The following EXOC6B variants were observed in gnomAD, a reference collection of about 807,000 sequenced individuals.
The protein encoded by EXOC6B is exocyst complex component 6B, also known as SEC15 homolog B.
Under a neutral mutation model 113.5 loss-of-function variants are expected in EXOC6B, and 54 were observed. That is an observed-to-expected ratio of 0.48 (90% CI 0.38 to 0.60). The LOEUF (loss-of-function observed/expected upper bound fraction) is 0.60, where lower values mean the gene tolerates loss of function less well. Ranked by LOEUF, EXOC6B falls within the 20% of genes least tolerant of loss-of-function variation. The probability of loss-of-function intolerance (pLI) is 0.00; values close to 1 mark genes in which losing one functional copy is unlikely to be tolerated. For synonymous variants in EXOC6B, 357 were observed against 339.0 expected (o/e 1.05, Z -0.58); for missense variants, 797 against 977.5 (o/e 0.82, Z 2.46).
At chr2:72,561,639 T>C (rs2103714008) in intron 7 of EXOC6B, among the ~76,000 whole-genome samples, 1 of 152,200 alleles carries the variant, frequency 6.6e-6, no homozygotes, top group East Asian at 1.9e-4. Context: ...CTGTGATAAA[T>C]AAGCTAACAC....
intron 20 of EXOC6B, among the ~76,000 whole-genome samples, chr2:72,275,841 G>T (rs1684778122): frequency 6.6e-6 from 1 of 152,106 alleles, no homozygotes; most frequent in African/African-American, 2.4e-5. Context: ...AACTCCAAAT[G>T]ACCTTACCTG....
At chr2:72,701,657 C>G (rs1056523190) in intron 6 of EXOC6B, among the ~76,000 whole-genome samples, 1 of 152,124 alleles carries the variant, frequency 6.6e-6, no homozygotes, top group African/African-American at 2.4e-5. Context: ...TTCTACTTCC[C>G]GGAGTCTATC....
At chr2:72,465,466 C>T (rs2105420249) in intron 17 of EXOC6B, 127 bp from the exon 18 acceptor site, 2 of 678,418 alleles carry the variant, frequency 2.9e-6, no homozygotes, top group Admixed American at 3.4e-5. Context: ...CTGAGCCATA[C>T]ATATCACAGT....
chr2:72,641,438 A>C (rs1673227434), intron 6 of EXOC6B, among the ~76,000 whole-genome samples: 1 of 152,208 alleles, frequency 6.6e-6, no homozygotes, highest in Non-Finnish European at 1.5e-5. Context: ...TGGGTCCCCC[A>C]CCCACGAAGC....
chr2:72,370,041 C>T (rs1451647894), intron 19 of EXOC6B, among the ~76,000 whole-genome samples: 2 of 152,130 alleles, frequency 1.3e-5, no homozygotes, highest in African/African-American at 2.4e-5. Flanking sequence ...AGCTTCTGCA[C>T]AGCAAAAGGA....
intron 17 of EXOC6B, among the ~76,000 whole-genome samples, chr2:72,473,418 T>A (rs1032918933): frequency 6.6e-6 from 1 of 152,146 alleles, no homozygotes; most frequent in Non-Finnish European, 1.5e-5. Flanking sequence ...GATCCCATTA[T>A]CATTATATAA....
At chr2:72,613,099 CAG>C (rs1671176472) in intron 6 of EXOC6B, among the ~76,000 whole-genome samples, 1 of 151,982 alleles carries the variant, frequency 6.6e-6, no homozygotes, top group Admixed American at 6.6e-5. Flanking sequence ...ATGATAAAAT[CAG>C]AGTTAAATAT....
intron 1 of EXOC6B, among the ~76,000 whole-genome samples, chr2:72,803,189 A>G (rs1474870721): frequency 6.6e-6 from 1 of 152,174 alleles, no homozygotes; most frequent in East Asian, 1.9e-4. Flanking sequence ...CATGACTAAT[A>G]CTGATGCAAA....
rs908047817 is a variant in EXOC6B at position 72,224,994 on chromosome 2, G to GTGTATATATATATATATATA, written c.2197-40808_2197-40807insTATATATATATATATATACA. 2.4e-3 allele frequency among the ~76,000 whole-genome samples: 327 copies of GTGTATATATATATATATATA among 137,172 alleles called. 9 individuals are homozygous for GTGTATATATATATATATATA. Among genetic ancestry groups the GTGTATATATATATATATATA allele is most frequent in the Non-Finnish European group, 4.1e-3 (256 of 62,182 alleles). The allele number at this position is 137,172 out of a possible 152,430, so 90.0% of individuals were successfully genotyped here. A position where few individuals can be genotyped will look rare whatever the true frequency, so the allele number is the denominator to read the frequency against. On this transcript the variant is annotated intron_variant, in intron 20 of 21. Transcript: ENST00000272427. The stretch of plus-strand genomic sequence containing the variant: ...CATCTCTCTCTGTATGTGTGTGTGT[G>GTGTATATATATATATATATA]TATATATATATAAATACACATACTT...
intron 18 of EXOC6B, among the ~76,000 whole-genome samples, chr2:72,452,700 C>G (rs1256342226): frequency 2.0e-5 from 3 of 152,188 alleles, no homozygotes; most frequent in African/African-American, 4.8e-5. Flanking sequence ...GCTGAAGTTA[C>G]AGCTTTATGT....
At chr2:72,361,143 A>T (rs978636097) in intron 19 of EXOC6B, among the ~76,000 whole-genome samples, 4 of 152,154 alleles carry the variant, frequency 2.6e-5, no homozygotes, top group African/African-American at 9.7e-5. Context: ...TACATCCAGA[A>T]GGAAATGTAA....
At chr2:72,281,834 A>G (rs907752272) in intron 20 of EXOC6B, among the ~76,000 whole-genome samples, 3 of 152,222 alleles carry the variant, frequency 2.0e-5, no homozygotes, top group African/African-American at 7.2e-5. Flanking sequence ...TGAAGAGAAC[A>G]TTCTGGGCAA....
intron 21 of EXOC6B, among the ~76,000 whole-genome samples, chr2:72,183,388 G>T (rs1049868272): frequency 1.3e-5 from 2 of 152,174 alleles, no homozygotes; most frequent in Admixed American, 6.5e-5. Flanking sequence ...CAGCTTCTGG[G>T]TGACATATTT....
intron 1 of EXOC6B, among the ~76,000 whole-genome samples, chr2:72,810,878 G>A (rs1050009650): frequency 6.6e-6 from 1 of 151,782 alleles, no homozygotes; most frequent in Non-Finnish European, 1.5e-5. Context: ...ACATGGCAAA[G>A]CCCTGACAAA....
At chr2:72,815,597 C>G in intron 1 of EXOC6B, among the ~76,000 whole-genome samples, 1 of 151,778 alleles carries the variant, frequency 6.6e-6, no homozygotes, top group East Asian at 1.9e-4. Context: ...CAGCCTCACT[C>G]ACAATAAGAA....
At chr2:72,715,441 T>C (rs1036349171) in intron 6 of EXOC6B, among the ~76,000 whole-genome samples, 20 of 147,954 alleles carry the variant, frequency 1.4e-4, no homozygotes, top group African/African-American at 4.2e-4. Context: ...ATATATAATA[T>C]ATAAAAATAA....
chr2:72,269,876 G>C (rs1000523), intron 20 of EXOC6B, among the ~76,000 whole-genome samples: 18,189 of 152,092 alleles, frequency 0.12, 1,347 homozygotes, highest in Admixed American at 0.16. Context: ...AAAATAAAAG[G>C]GTTGAGGAAG....
chr2:72,255,472 C>T (rs1052425118), intron 20 of EXOC6B, among the ~76,000 whole-genome samples: 6 of 152,198 alleles, frequency 3.9e-5, no homozygotes, highest in Admixed American at 6.5e-5. Context: ...TGGAAGGCAG[C>T]GCCAAGAGCC....
intron 19 of EXOC6B, among the ~76,000 whole-genome samples, chr2:72,350,457 T>C (rs1328895685): frequency 2.0e-5 from 3 of 152,218 alleles, no homozygotes; most frequent in Non-Finnish European, 4.4e-5. Context: ...ATTCTGCTTA[T>C]AAATGCTAAT....
Sources: allele counts gnomAD v4.1 joint callset (sites outside exome capture counted in the v4.1 genomes callset), GRCh38; gene constraint gnomAD v4.1.1; transcripts MANE v1.5; gene names NCBI Gene and HGNC (gene_info 2026-07-23, HGNC 2026-07-21).